CIT: variants seen among roughly 807,000 people sequenced by gnomAD.
The protein encoded by CIT is citron Rho-interacting kinase.
A neutral mutation model predicts 272.7 loss-of-function variants in CIT; 79 were observed. That is an observed-to-expected ratio of 0.29 (90% CI 0.24 to 0.35). The LOEUF is 0.35. CIT is among the 10% of genes least tolerant of loss of function. The pLI is 1.00. For synonymous variants in CIT, 948 were observed against 995.6 expected, an observed-to-expected ratio of 0.95 and a Z score of 0.90; for missense variants, 1,909 against 2,618.3, an observed-to-expected ratio of 0.73 and a Z score of 5.91.
chr12:119,699,580 C>T (rs796139512), intron 44 of CIT, among the ~76,000 whole-genome samples: 9 of 152,286 alleles, frequency 5.9e-5, no homozygotes, highest in Admixed American at 2.6e-4. Context: ...TGCCAGCTTC[C>T]GCTTCTATAT....
intron 2 of CIT, 62 bp from the exon 3 acceptor site, chr12:119,869,263 T>A: frequency 1.3e-6 from 2 of 1,503,556 alleles, no homozygotes; most frequent in Non-Finnish European, 1.8e-6. Flanking sequence ...ATCAATAACA[T>A]CCACACAGAG....
rs1964936354 is a variant in CIT, at chr12:119,787,757, A to T, written c.1296-2692T>A. On this transcript the variant is annotated intron_variant, in intron 10 of 47. Transcript: ENST00000392521. The stretch of plus-strand genomic sequence containing the variant: ...AAAAAAAAAAAAAAAAAAGCAAATA[A>T]ATTTAAAAAAAAAAGAAAAATCTGA... 2.5e-5 allele frequency among the ~76,000 whole-genome samples: 3 copies of T among 119,688 alleles called. No individual in the cohort carries two copies. In the South Asian group the frequency reaches 8.2e-4, roughly 33 times the overall value. The allele number at this position is 119,688 out of a possible 152,430, so 78.5% of individuals were successfully genotyped here. A position where few individuals can be genotyped will look rare whatever the true frequency, so the allele number is the denominator to read the frequency against.
intron 23 of CIT, among the ~76,000 whole-genome samples, chr12:119,747,467 T>C (rs914772521): frequency 6.7e-6 from 1 of 150,092 alleles, no homozygotes; most frequent in Non-Finnish European, 1.5e-5. Context: ...AAGCCTGTAA[T>C]CCCAGCACTT....
intron 5 of CIT, among the ~76,000 whole-genome samples, 182 bp from the exon 6 acceptor site, chr12:119,834,410 T>A (rs1968857142): frequency 6.6e-6 from 1 of 152,194 alleles, no homozygotes; most frequent in Non-Finnish European, 1.5e-5. Flanking sequence ...ATTACATCTG[T>A]TACCCAGGGG....
In CIT at chr12:119,690,106, C is replaced by G; in HGVS notation, c.6186+45G>C. 7.0e-7 allele frequency: 1 copy of G among 1,432,818 alleles called. No individual in the cohort carries two copies. The highest frequency in any genetic ancestry group is 1.5e-5 in the African/African-American group (1 of 67,556). The allele number at this position is 1,432,818 out of a possible 1,614,324, so 88.8% of individuals were successfully genotyped here. ...GGGGGCCTCAGTTCCCCAAGTCACT[C>G]CTGGCCTCCGCAACAGACACACAGG... is the stretch of plus-strand genomic sequence containing the variant. On this transcript the variant is annotated intron_variant, in intron 47 of 47. Coordinates refer to ENST00000392521, the MANE Select transcript of CIT (RefSeq NM_001206999.2). This position sits in a 1 kb window ranked among gnomAD's most constrained non-coding sequence, Gnocchi z 6.0.
rs761183971 is a variant in CIT at position 119,735,231 on chromosome 12, G to T, written c.3085C>A (p.Leu1029Met). ...CGGAGATGGTCCACTTCACTTCGCA[G>T]TTGTACAATCTCGTCGTTGGCGCCA... ...ASGANDEIVQLRSEVDHLRRE... is the reference protein window; with the variant it reads ...ASGANDEIVQMRSEVDHLRRE... The change falls in exon 25 of 48, where the codon CTG (leucine) becomes ATG (methionine). Residue 1029 changes from leucine (L) to methionine (M), a missense_variant. Leu to Met is a conservative substitution (Grantham distance 15). Coordinates refer to ENST00000392521, the MANE Select transcript of CIT (RefSeq NM_001206999.2). The T allele has an allele frequency of 6.2e-7, 1 of 1,614,200 alleles. No homozygotes were observed. Among genetic ancestry groups the T allele is most frequent in the Admixed American group, 1.7e-5 (1 of 60,026 alleles).
intron 9 of CIT, among the ~76,000 whole-genome samples, chr12:119,809,405 G>T (rs900869411): frequency 4.6e-5 from 7 of 152,184 alleles, no homozygotes; most frequent in Admixed American, 6.5e-5. Flanking sequence ...GAGAGGATGG[G>T]ATTAACAGGA....
chr12:119,700,882 G>A (rs375348601), intron 43 of CIT, 57 bp from the exon 44 acceptor site: 46 of 1,352,630 alleles, frequency 3.4e-5, no homozygotes, highest in Admixed American at 3.4e-5. Flanking sequence ...GGGCATCAGC[G>A]ACACACATGG....
intron 4 of CIT, among the ~76,000 whole-genome samples, chr12:119,856,622 A>G (rs1261725149): frequency 6.6e-6 from 1 of 151,886 alleles, no homozygotes; most frequent in Non-Finnish European, 1.5e-5. Context: ...ACATGTTCTC[A>G]TCACTTCTCT....
rs1957232430 is a variant in CIT, at chr12:119,712,751, G to A, written c.4580-56C>T. On this transcript the variant is annotated intron_variant, in intron 35 of 47. Transcript: ENST00000392521. This position sits in a 1 kb window ranked among gnomAD's most constrained non-coding sequence, Gnocchi z 5.2. ...AACAAAAGAACAGGAACAAGAACAA[G>A]GGGAGAAGAGAGAGCGAGAGAGACA... The A allele has an allele frequency of 2.2e-5, 32 of 1,431,420 alleles. No individual in the cohort carries two copies. In the South Asian group the frequency reaches 3.7e-4, roughly 17 times the overall value. 88.7% of individuals were successfully genotyped at this position (1,431,420 alleles called of 1,614,324 possible). A position where few individuals can be genotyped will look rare whatever the true frequency, so the allele number is the denominator to read the frequency against.
At chr12:119,771,137 C>T (rs1166249297) in intron 17 of CIT, among the ~76,000 whole-genome samples, 1 of 152,186 alleles carries the variant, frequency 6.6e-6, no homozygotes, top group Non-Finnish European at 1.5e-5. Context: ...CACCTACTAT[C>T]TGCAAAGTGC....
intron 6 of CIT, among the ~76,000 whole-genome samples, chr12:119,833,489 AC>A (rs1217479759): frequency 7.3e-5 from 11 of 151,682 alleles, no homozygotes; most frequent in Non-Finnish European, 1.0e-4. Context: ...ACCTGGTGAA[AC>A]CCCATCTCTA....
chr12:119,865,691 G>A (rs540727296), intron 3 of CIT, among the ~76,000 whole-genome samples: 30 of 152,086 alleles, frequency 2.0e-4, no homozygotes, highest in African/African-American at 4.3e-4. Context: ...CCAACATGGC[G>A]AAACCCCATC....
chr12:119,686,841 C>G lies in CIT; in HGVS notation c.*1391G>C, dbSNP rs1021310888. On this transcript the variant is annotated 3_prime_UTR_variant, in exon 48 of 48. Coordinates refer to ENST00000392521, the MANE Select transcript of CIT (RefSeq NM_001206999.2). ...AGACCCAGTGGGAGCCGCACTGCAC[C>G]TAAGGACTTCCCAACCCTGGCGGAG... 1 of 152,704 alleles carries G rather than the reference C, an allele frequency of 6.5e-6. No homozygotes were observed. Among genetic ancestry groups the G allele is most frequent in the South Asian group, 2.1e-4 (1 of 4,838 alleles). The allele number at this position is 152,704 out of a possible 1,614,324, so 9.5% of individuals were successfully genotyped here. A position where few individuals can be genotyped will look rare whatever the true frequency, so the allele number is the denominator to read the frequency against.
chr12:119,725,417 C>T (rs1265832476), intron 28 of CIT, among the ~76,000 whole-genome samples: 1 of 152,076 alleles, frequency 6.6e-6, no homozygotes, highest in African/African-American at 2.4e-5. Flanking sequence ...GAGAGCAAGA[C>T]TCTGTCTCAA....
rs1955652687 is a variant in CIT, at chr12:119,687,651, A to G, written c.*581T>C. On this transcript the variant is annotated 3_prime_UTR_variant, in exon 48 of 48. Coordinates refer to ENST00000392521, the MANE Select transcript of CIT (RefSeq NM_001206999.2). ...AATGAACAGGAACAAGGATGAACCT[A>G]CTTGGCTGCGGGAGGTTGGCCAACT... The G allele has an allele frequency of 6.6e-6, 1 of 152,460 alleles. No homozygotes were observed. The highest frequency in any genetic ancestry group is 1.5e-5 in the Non-Finnish European group (1 of 68,160). 9.4% of individuals were successfully genotyped at this position (152,460 alleles called of 1,614,324 possible).
At chr12:119,731,278 C>A (rs1000704768) in intron 26 of CIT, among the ~76,000 whole-genome samples, 1 of 151,944 alleles carries the variant, frequency 6.6e-6, no homozygotes, top group Non-Finnish European at 1.5e-5. Flanking sequence ...AGTTCGAGAC[C>A]AGCCTGGCCA....
rs1220011053 is a variant in CIT at position 119,734,312 on chromosome 12, C to A, written c.3202G>T (p.Val1068Phe). The A allele has an allele frequency of 1.9e-6, 3 of 1,613,948 alleles. No individual in the cohort carries two copies. Among genetic ancestry groups the A allele is most frequent in the African/African-American group, 1.3e-5 (1 of 75,016 alleles). Residue 1068 changes from valine (V) to phenylalanine (F), a missense_variant, in exon 26 of 48, where the codon GTC (valine) becomes TTC (phenylalanine). Physicochemically the swap from Val to Phe is conservative, Grantham distance 50 (BLOSUM62 -1). This residue lies in a region of CIT where 530 missense variants were observed against 822.4 expected (regional missense o/e 0.64). Transcript: ENST00000392521. ...KTTCTMLEEQ[V>F]MDLEALNDEL... ...TCGTTTAGGGCCTCCAAATCCATGA[C>A]CTGTTCCTCCAGCATGGTGCACGTG...
intron 32 of CIT, among the ~76,000 whole-genome samples, chr12:119,715,678 G>T (rs1038695728): frequency 6.6e-5 from 10 of 152,072 alleles, no homozygotes; most frequent in Admixed American, 1.3e-4. Context: ...TTTAATGAGC[G>T]AACTGTACGG....
Sources: allele counts gnomAD v4.1 joint callset (sites outside exome capture counted in the v4.1 genomes callset), GRCh38; gene constraint gnomAD v4.1.1; regional missense constraint gnomAD v4.1.1; non-coding constraint Gnocchi (gnomAD v3.1); transcripts MANE v1.5; gene names NCBI Gene and HGNC (gene_info 2026-07-23, HGNC 2026-07-21).